Variants in CNBD1 observed in about 807,000 individuals in gnomAD.
CNBD1 encodes the protein cyclic nucleotide binding domain containing 1, also known as cyclic nucleotide-binding domain-containing protein 1.
CNBD1 carries 71 observed loss-of-function variants against 54.4 expected under a neutral mutation model. The observed-to-expected ratio is 1.30, with a 90% CI of 1.08 to 1.59. The LOEUF is 1.59. Ranked by LOEUF, CNBD1 falls within the 40% of genes most tolerant of loss-of-function variation. CNBD1 has a pLI of 0.00. For synonymous variants in CNBD1, 182 were observed against 170.7 expected, an observed-to-expected ratio of 1.07 and a Z score of -0.51; for missense variants, 659 against 518.0, an observed-to-expected ratio of 1.27 and a Z score of -2.64.
intron 4 of CNBD1, among the ~76,000 whole-genome samples, chr8:87,087,803 T>G (rs929048852): frequency 6.6e-6 from 1 of 152,136 alleles, no homozygotes; most frequent in Non-Finnish European, 1.5e-5. Context: ...ATTTTAGAGC[T>G]TGGAATTACC....
Position 87,254,990 on chromosome 8 carries a change from A to T in CNBD1, c.771+17878A>T, listed in dbSNP as rs559692095. ...AAAACTCTATTCACTGATTTTTTTT[A>T]AAAAAGATTTTTACTACCTGATCTT... is the stretch of plus-strand genomic sequence containing the variant. On this transcript the variant is annotated intron_variant, in intron 6 of 10. Coordinates refer to ENST00000518476, the MANE Select transcript of CNBD1 (RefSeq NM_173538.3). Among the ~76,000 whole-genome samples the T allele has an allele frequency of 7.6e-4, 115 of 152,158 alleles. 1 individual carries two copies. Among genetic ancestry groups the T allele is most frequent in the East Asian group, 3.3e-3 (17 of 5,180 alleles).
At position 86,866,485 on chromosome 8, in the gene CNBD1, G is replaced by C. The variant is rs1321237409; in HGVS notation, c.-11G>C. 2 of 1,604,694 alleles carry C rather than the reference G, an allele frequency of 1.2e-6. No homozygotes were observed. The highest frequency in any genetic ancestry group is 4.5e-5 in the East Asian group (2 of 44,678). Reference sequence around the variant, plus strand: ...AGCCTCTGGTCATCTATCTGCCTTTGAGCCATCAAGATGCCGATGTCTTCT... The same window carrying C: ...AGCCTCTGGTCATCTATCTGCCTTTCAGCCATCAAGATGCCGATGTCTTCT... On this transcript the variant is annotated 5_prime_UTR_variant, in exon 1 of 11. Coordinates refer to ENST00000518476, the MANE Select transcript of CNBD1 (RefSeq NM_173538.3).
intron 4 of CNBD1, among the ~76,000 whole-genome samples, chr8:86,993,548 G>C (rs1206131761): frequency 6.6e-6 from 1 of 152,204 alleles, no homozygotes; most frequent in Non-Finnish European, 1.5e-5. Context: ...TAAATTGCTA[G>C]AGTTTTTGTG....
At chr8:87,092,079 G>A (rs989723009) in intron 4 of CNBD1, among the ~76,000 whole-genome samples, 1 of 152,014 alleles carries the variant, frequency 6.6e-6, no homozygotes, top group Non-Finnish European at 1.5e-5. Flanking sequence ...CTATGACAAA[G>A]AAAATTTAAA....
chr8:87,268,518 G>A (rs1419579053), intron 6 of CNBD1, among the ~76,000 whole-genome samples: 1 of 151,982 alleles, frequency 6.6e-6, no homozygotes, highest in Non-Finnish European at 1.5e-5. Context: ...GTTCATTGAG[G>A]AATCCCTACA....
chr8:87,370,951 G>A (rs1186770108), intron 10 of CNBD1, among the ~76,000 whole-genome samples: 2 of 150,944 alleles, frequency 1.3e-5, no homozygotes, highest in Non-Finnish European at 2.9e-5. Context: ...CATATGGCTA[G>A]CCAGTTTTCC....
rs140785447 is a variant in CNBD1, at chr8:87,138,970, T to A, written c.432-67023T>A. Among the ~76,000 whole-genome samples the A allele has an allele frequency of 2.0e-5, 3 of 152,342 alleles. No homozygotes were observed. The East Asian group carries it at 5.8e-4, about 29-fold the overall frequency. ...TTGAGCTTTCCCATGAATGCATCAT[T>A]TGAATAACAATTTTTAAATTAACAG... On this transcript the variant is annotated intron_variant, in intron 4 of 10. Coordinates refer to ENST00000518476, the MANE Select transcript of CNBD1 (RefSeq NM_173538.3).
chr8:87,044,407 T>A, intron 4 of CNBD1: 1 of 152,160 alleles, frequency 6.6e-6, no homozygotes, highest in East Asian at 1.9e-4. Flanking sequence ...TGGGGTGTTA[T>A]CTGAGCTTGT....
At chr8:87,156,995 G>A (rs1246166418) in intron 4 of CNBD1, among the ~76,000 whole-genome samples, 7 of 152,080 alleles carry the variant, frequency 4.6e-5, no homozygotes, top group Admixed American at 4.6e-4. Flanking sequence ...AAACTTCTAA[G>A]GCACAGAGCT....
chr8:86,980,692 A>C (rs2130508126), intron 4 of CNBD1, among the ~76,000 whole-genome samples: 1 of 152,354 alleles, frequency 6.6e-6, no homozygotes, highest in African/African-American at 2.4e-5. Context: ...GGGATTTGCA[A>C]AAATCTCAGG....
At chr8:87,180,362 C>A (rs1289118173) in intron 4 of CNBD1, among the ~76,000 whole-genome samples, 2 of 152,168 alleles carry the variant, frequency 1.3e-5, no homozygotes, top group East Asian at 3.9e-4. Flanking sequence ...TCAATTATGA[C>A]TTTGTATCAT....
chr8:87,153,574 T>C (rs7828892), intron 4 of CNBD1, among the ~76,000 whole-genome samples: 84,389 of 151,998 alleles, frequency 0.56, 24,930 homozygotes, highest in African/African-American at 0.77. Context: ...GGACATGTAA[T>C]GGGACGTTGA....
intron 4 of CNBD1, among the ~76,000 whole-genome samples, chr8:87,014,018 A>G (rs1809298878): frequency 6.6e-6 from 1 of 152,034 alleles, no homozygotes; most frequent in Non-Finnish European, 1.5e-5. Flanking sequence ...TCTATAAAAT[A>G]CTTGTATCAG....
At chr8:86,964,402 G>A (rs1808016726) in intron 4 of CNBD1, among the ~76,000 whole-genome samples, 1 of 152,182 alleles carries the variant, frequency 6.6e-6, no homozygotes, top group African/African-American at 2.4e-5. Context: ...TATATAAGAT[G>A]TAAAGCTTAT....
At chr8:86,875,912 C>A (rs1189184701) in intron 1 of CNBD1, among the ~76,000 whole-genome samples, 1 of 152,000 alleles carries the variant, frequency 6.6e-6, no homozygotes, top group African/African-American at 2.4e-5. Context: ...ATAAATCTTA[C>A]TTTGTTGTAT....
intron 6 of CNBD1, among the ~76,000 whole-genome samples, chr8:87,266,152 C>T (rs1366227759): frequency 2.0e-5 from 3 of 151,714 alleles, no homozygotes; most frequent in South Asian, 4.2e-4. Flanking sequence ...TAAGTGTCCC[C>T]TAATGATTTA....
At chr8:87,227,142 A>G (rs980799308) in intron 5 of CNBD1, among the ~76,000 whole-genome samples, 114 of 152,212 alleles carry the variant, frequency 7.5e-4, no homozygotes, top group Middle Eastern at 6.9e-3. Flanking sequence ...GTCTCTGCAC[A>G]TGAGATGGGT....
At chr8:87,072,643 C>T (rs542366834) in intron 4 of CNBD1, among the ~76,000 whole-genome samples, 1 of 152,044 alleles carries the variant, frequency 6.6e-6, no homozygotes, top group Non-Finnish European at 1.5e-5. Flanking sequence ...CTCCCAATCT[C>T]TTCTGGCTAG....
intron 8 of CNBD1, among the ~76,000 whole-genome samples, chr8:87,345,899 ACTAATTAATTT>A (rs1340787648): frequency 2.6e-5 from 4 of 152,202 alleles, no homozygotes; most frequent in Non-Finnish European, 5.9e-5. Flanking sequence ...TAAAGAGGTG[ACTAATTAATTT>A]CTAAATTTTG....
Sources: allele counts gnomAD v4.1 joint callset (sites outside exome capture counted in the v4.1 genomes callset), GRCh38; gene constraint gnomAD v4.1.1; transcripts MANE v1.5; gene names NCBI Gene and HGNC (gene_info 2026-07-23, HGNC 2026-07-21).